HPSE2: variants seen among roughly 807,000 people sequenced by gnomAD.
HPSE2 encodes heparanase 2 (inactive).
HPSE2 carries 38 observed loss-of-function variants against 60.5 expected under a neutral mutation model. That is an observed-to-expected ratio of 0.63 (90% CI 0.48 to 0.82). The LOEUF is 0.82. HPSE2 is among the 40% of genes least tolerant of loss of function. HPSE2 has a pLI of 0.00. For missense variants in HPSE2, 713 were observed against 740.4 expected, an observed-to-expected ratio of 0.96 and a Z score of 0.43; for synonymous variants, 295 against 293.2, an observed-to-expected ratio of 1.01 and a Z score of -0.06.
At chr10:98,937,036 G>C (rs1589391598) in intron 3 of HPSE2, among the ~76,000 whole-genome samples, 1 of 125,412 alleles carries the variant, frequency 8.0e-6, no homozygotes, top group Non-Finnish European at 1.6e-5. Context: ...AAAATTTTAA[G>C]TTTTTCAACC....
chr10:98,829,911 G>A (rs956937628), intron 3 of HPSE2, among the ~76,000 whole-genome samples: 2 of 152,020 alleles, frequency 1.3e-5, no homozygotes, highest in Non-Finnish European at 2.9e-5. Context: ...TGTGCAGAAT[G>A]TGCAGCTGTG....
intron 3 of HPSE2, among the ~76,000 whole-genome samples, chr10:99,099,727 C>A (rs139418673): frequency 0.015 from 2,292 of 152,306 alleles, 31 homozygotes; most frequent in Middle Eastern, 0.037. Context: ...AGTAGCCTAA[C>A]TGGGAGGCAC....
At chr10:98,766,173 C>G (rs1263519537) in intron 3 of HPSE2, among the ~76,000 whole-genome samples, 1 of 152,106 alleles carries the variant, frequency 6.6e-6, no homozygotes, top group African/African-American at 2.4e-5. Context: ...TCAAGAATAA[C>G]GTCCATAAAA....
chr10:98,937,533 G>C (rs1343936171), intron 3 of HPSE2, among the ~76,000 whole-genome samples: 2 of 144,428 alleles, frequency 1.4e-5, no homozygotes, highest in Non-Finnish European at 3.0e-5. Flanking sequence ...CAGGCTGGGG[G>C]AGGGGTGCCC....
intron 7 of HPSE2, 112 bp from the exon 8 acceptor site, chr10:98,620,820 G>T: frequency 3.7e-6 from 3 of 805,848 alleles, no homozygotes; most frequent in Non-Finnish European, 6.3e-6. Flanking sequence ...GTTTTCAGGG[G>T]GTCATGATTT....
intron 2 of HPSE2, among the ~76,000 whole-genome samples, chr10:99,165,024 A>G (rs1330761684): frequency 7.1e-6 from 1 of 140,314 alleles, no homozygotes; most frequent in Non-Finnish European, 1.5e-5. Context: ...CGAAGGTTGC[A>G]GTGAGCCAAG....
chr10:98,788,811 G>A (rs1025134054), intron 3 of HPSE2, among the ~76,000 whole-genome samples: 33 of 150,724 alleles, frequency 2.2e-4, no homozygotes, highest in African/African-American at 6.6e-4. Context: ...GCTCGAGCAC[G>A]GTGCGCACAC....
chr10:98,537,621 C>G lies in HPSE2; in HGVS notation c.1321-47425G>C, dbSNP rs142701407. Among the ~76,000 whole-genome samples the G allele has an allele frequency of 4.4e-3, 667 of 152,286 alleles. 6 individuals are homozygous for G. The highest frequency in any genetic ancestry group is 0.015 in the African/African-American group (623 of 41,566). On this transcript the variant is annotated intron_variant, in intron 9 of 11. Transcript: ENST00000370552. ...AGTGACCTAGAAGGCAACAGGTGAG[C>G]CTTCTGTCACGCCCGCATAAGGGCC...
chr10:99,245,452 A>G, the HPSE2 span, among the ~76,000 whole-genome samples: 78 of 152,378 alleles, frequency 5.1e-4, no homozygotes, highest in Middle Eastern at 3.4e-3. Context: ...AATCTATTCT[A>G]CACCTAATTT....
At chr10:99,081,453 A>T (rs146533691) in intron 3 of HPSE2, among the ~76,000 whole-genome samples, 1,532 of 152,224 alleles carry the variant, frequency 0.01, 21 homozygotes, top group Non-Finnish European at 0.015. Flanking sequence ...AACAGGAATA[A>T]TGATATTTTA....
At chr10:98,846,151 T>A (rs1952029140) in intron 3 of HPSE2, among the ~76,000 whole-genome samples, 1 of 152,212 alleles carries the variant, frequency 6.6e-6, no homozygotes, top group Non-Finnish European at 1.5e-5. Context: ...ATTTTGTCTT[T>A]ATACAACTTA....
intron 4 of HPSE2, among the ~76,000 whole-genome samples, chr10:98,739,401 C>T (rs1949439033): frequency 2.0e-5 from 3 of 150,430 alleles, no homozygotes; most frequent in African/African-American, 7.3e-5. Flanking sequence ...AGCAAACCAC[C>T]ATGGCACATG....
At chr10:98,523,481 A>G (rs1461224531) in intron 9 of HPSE2, among the ~76,000 whole-genome samples, 1 of 152,236 alleles carries the variant, frequency 6.6e-6, no homozygotes, top group East Asian at 1.9e-4. Flanking sequence ...AATTCAAAGG[A>G]AAGTCCAATT....
At chr10:99,220,297 C>A (rs2133928133) in intron 2 of HPSE2, among the ~76,000 whole-genome samples, 1 of 151,632 alleles carries the variant, frequency 6.6e-6, no homozygotes, top group Non-Finnish European at 1.5e-5. Flanking sequence ...AAAAAAGTAC[C>A]AATGAAAGAG....
At chr10:98,803,383 T>C (rs1950963494) in intron 3 of HPSE2, among the ~76,000 whole-genome samples, 1 of 150,734 alleles carries the variant, frequency 6.6e-6, no homozygotes, top group Non-Finnish European at 1.5e-5. Context: ...GTTTTAGACA[T>C]GAAGTCCTTG....
the HPSE2 span, among the ~76,000 whole-genome samples, chr10:99,269,096 T>G: frequency 6.6e-6 from 1 of 151,976 alleles, no homozygotes; most frequent in South Asian, 2.1e-4. Flanking sequence ...GAGGCAGAGG[T>G]TGCAGTGAGC....
rs112929566 is a variant in HPSE2, at chr10:99,217,580, G to T, written c.448+14768C>A. 2.3e-3 allele frequency among the ~76,000 whole-genome samples: 349 copies of T among 151,542 alleles called. 2 individuals are homozygous for T. Among genetic ancestry groups the T allele is most frequent in the East Asian group, 0.016 (81 of 5,134 alleles). ...AATTGGCCTAGGACCCAGTTTTTTT[G>T]TTGTTGTTGTTGTTGTGCTGCTGCT... On this transcript the variant is annotated intron_variant, in intron 2 of 11. Coordinates refer to ENST00000370552, the MANE Select transcript of HPSE2 (RefSeq NM_021828.5).
intron 3 of HPSE2, among the ~76,000 whole-genome samples, chr10:99,111,962 A>C (rs1432228914): frequency 2.6e-5 from 4 of 152,204 alleles, no homozygotes; most frequent in Non-Finnish European, 5.9e-5. Context: ...GAGGGCAGGG[A>C]TTGGGTCAAG....
chr10:98,487,739 T>C (rs1941493125), intron 10 of HPSE2, among the ~76,000 whole-genome samples: 1 of 152,244 alleles, frequency 6.6e-6, no homozygotes. Flanking sequence ...CAAGGTTGAA[T>C]AGTGTGAATC....
Sources: allele counts gnomAD v4.1 joint callset (sites outside exome capture counted in the v4.1 genomes callset), GRCh38; gene constraint gnomAD v4.1.1; transcripts MANE v1.5; gene names NCBI Gene and HGNC (gene_info 2026-07-23, HGNC 2026-07-21).